CSMD3: variants seen among roughly 807,000 people sequenced by gnomAD.
The protein encoded by CSMD3 is CUB and sushi domain-containing protein 3.
In CSMD3, 177 loss-of-function variants were observed where a neutral mutation model predicts 435.2. That is an observed-to-expected ratio of 0.41 (90% CI 0.36 to 0.46). The LOEUF is 0.46. Among genes scored for constraint, CSMD3 ranks in the 20% least tolerant of loss-of-function variants. The pLI is 0.34. For synonymous variants in CSMD3, 1,656 were observed against 1,520.5 expected (o/e 1.09, Z -2.07); for missense variants, 4,265 against 4,504.6 (o/e 0.95, Z 1.52).
intron 12 of CSMD3, among the ~76,000 whole-genome samples, chr8:112,803,856 G>A (rs1008305596): frequency 2.6e-5 from 4 of 152,108 alleles, no homozygotes; most frequent in African/African-American, 9.7e-5. Flanking sequence ...ACAGTCCCGG[G>A]CATGGAGATT....
chr8:112,898,741 T>A (rs952926969), intron 10 of CSMD3, among the ~76,000 whole-genome samples: 5 of 151,102 alleles, frequency 3.3e-5, no homozygotes, highest in Non-Finnish European at 5.9e-5. Context: ...TACAGAAAAA[T>A]TTTATTTTTA....
chr8:112,821,249 A>T (rs1312261506), intron 12 of CSMD3, among the ~76,000 whole-genome samples: 1 of 152,180 alleles, frequency 6.6e-6, no homozygotes, highest in African/African-American at 2.4e-5. Flanking sequence ...CAATAGTTGA[A>T]CTAATTTACA....
chr8:112,283,579 C>A lies in CSMD3; in HGVS notation c.9332-2229G>T, dbSNP rs142667177. On this transcript the variant is annotated intron_variant, in intron 58 of 70. Coordinates refer to ENST00000297405, the MANE Select transcript of CSMD3 (RefSeq NM_198123.2). ...TATACAACAGTGAAATATTAATTTACTCTTTTTTATTTCTATTTTTCTTAC... is the reference window on the plus strand; with the variant it reads ...TATACAACAGTGAAATATTAATTTAATCTTTTTTATTTCTATTTTTCTTAC... 1.5e-3 allele frequency among the ~76,000 whole-genome samples: 227 copies of A among 151,472 alleles called. 2 individuals carry two copies. The highest frequency in any genetic ancestry group is 5.1e-3 in the African/African-American group (210 of 41,488).
chr8:113,278,189 C>T (rs2093586050), intron 3 of CSMD3, among the ~76,000 whole-genome samples: 2 of 151,762 alleles, frequency 1.3e-5, no homozygotes, highest in Non-Finnish European at 2.9e-5. Flanking sequence ...TAGATGTCAA[C>T]TCTTGTCTCT....
At position 112,390,730 on chromosome 8, in the gene CSMD3, A is replaced by C. The variant is rs1385160178; in HGVS notation, c.5868T>G (p.Pro1956=). Residue 1956 remains proline (P), a synonymous_variant, in exon 36 of 71, where the codon CCT becomes CCG. Coordinates refer to ENST00000297405, the MANE Select transcript of CSMD3 (RefSeq NM_198123.2). ...AATTCAGATTGTTGTCATAAGGCTCAGGGTATCCAGGTGACAAAATAGTCC... is the reference window on the plus strand; with the variant it reads ...AATTCAGATTGTTGTCATAAGGCTCCGGGTATCCAGGTGACAAAATAGTCC... ...RKGTILSPGY[P]EPYDNNLNCV... is the part of the protein sequence containing the mutation. 4 of 1,612,346 alleles carry C rather than the reference A, an allele frequency of 2.5e-6. No individual in the cohort carries two copies. Among genetic ancestry groups the C allele is most frequent in the Non-Finnish European group, 3.4e-6 (4 of 1,178,468 alleles).
At chr8:112,525,687 C>A (rs2131038403) in intron 27 of CSMD3, among the ~76,000 whole-genome samples, 1 of 147,468 alleles carries the variant, frequency 6.8e-6, no homozygotes, top group South Asian at 2.1e-4. Flanking sequence ...CGCCACTGCA[C>A]TCCAGCCTGA....
intron 23 of CSMD3, among the ~76,000 whole-genome samples, chr8:112,576,507 A>G (rs1254519619): frequency 6.6e-6 from 1 of 151,922 alleles, no homozygotes; most frequent in African/African-American, 2.4e-5. Flanking sequence ...AGCACACAGC[A>G]TACATTTTTT....
chr8:113,414,380 G>A (rs1349140271), intron 1 of CSMD3, among the ~76,000 whole-genome samples: 1 of 152,056 alleles, frequency 6.6e-6, no homozygotes, highest in Non-Finnish European at 1.5e-5. Context: ...CTTCTCAAGT[G>A]TTCACATCAC....
At chr8:112,894,272 T>C (rs773878813) in intron 10 of CSMD3, among the ~76,000 whole-genome samples, 4 of 151,458 alleles carry the variant, frequency 2.6e-5, no homozygotes, top group Non-Finnish European at 5.9e-5. Context: ...AAATGGTGCA[T>C]TACAAAGTGG....
chr8:112,715,330 T>C (rs2076700871), intron 13 of CSMD3, among the ~76,000 whole-genome samples: 2 of 152,116 alleles, frequency 1.3e-5, no homozygotes, highest in African/African-American at 4.8e-5. Context: ...CTAAAAGATA[T>C]TGATAAATTC....
chr8:112,261,403 T>C (rs1816385787), intron 61 of CSMD3, among the ~76,000 whole-genome samples: 1 of 152,092 alleles, frequency 6.6e-6, no homozygotes, highest in African/African-American at 2.4e-5. Context: ...CAAATCTTTG[T>C]AGGCATCACC....
At chr8:112,604,811 T>G (rs1160170966) in intron 22 of CSMD3, among the ~76,000 whole-genome samples, 2 of 152,124 alleles carry the variant, frequency 1.3e-5, no homozygotes, top group Non-Finnish European at 2.9e-5. Context: ...AAAGAGCTTT[T>G]GCACAGCAAA....
chr8:113,132,592 T>C (rs2131689368), intron 4 of CSMD3, among the ~76,000 whole-genome samples: 1 of 152,300 alleles, frequency 6.6e-6, no homozygotes, highest in African/African-American at 2.4e-5. Context: ...CATGCTTCTT[T>C]TTAAGCCTGT....
At chr8:113,316,045 A>G (rs2093907498) in intron 1 of CSMD3, among the ~76,000 whole-genome samples, 1 of 152,126 alleles carries the variant, frequency 6.6e-6, no homozygotes, top group African/African-American at 2.4e-5. Context: ...ATTCTGTAGC[A>G]TATTGTGTAA....
chr8:112,545,482 C>CAAAAAAAAAAAAAAA (rs71566032), intron 27 of CSMD3, among the ~76,000 whole-genome samples: 1 of 26,886 alleles, frequency 3.7e-5, no homozygotes, highest in African/African-American at 1.5e-4. Flanking sequence ...GACTCCATCT[C>CAAAAAAAAAAAAAAA]AAAAAAAAAA....
At position 112,246,565 on chromosome 8, in the gene CSMD3, G is replaced by A. The variant is rs529484548; in HGVS notation, c.10222+455C>T. ...AACATATAAAGGAAATTCTAAAATTGTTCTCAAATTTTTGGCCAAGTGCCC... is the reference window on the plus strand; with the variant it reads ...AACATATAAAGGAAATTCTAAAATTATTCTCAAATTTTTGGCCAAGTGCCC... On this transcript the variant is annotated intron_variant, in intron 64 of 70. Coordinates refer to ENST00000297405, the MANE Select transcript of CSMD3 (RefSeq NM_198123.2). Among the ~76,000 whole-genome samples, 9 of 152,222 alleles carry A rather than the reference G, an allele frequency of 5.9e-5. No individual in the cohort carries two copies. In the South Asian group the frequency reaches 8.3e-4, roughly 14 times the overall value.
intron 3 of CSMD3, among the ~76,000 whole-genome samples, chr8:113,252,710 C>A (rs188006020): frequency 1.7e-3 from 255 of 152,136 alleles, no homozygotes; most frequent in Non-Finnish European, 2.4e-3. Context: ...TTTAAAACTC[C>A]ATCTTTTGCT....
At chr8:113,096,617 T>G (rs1026784324) in intron 5 of CSMD3, among the ~76,000 whole-genome samples, 1 of 152,060 alleles carries the variant, frequency 6.6e-6, no homozygotes, top group Non-Finnish European at 1.5e-5. Flanking sequence ...CTCAAGTGAA[T>G]TCACATTTCA....
chr8:113,050,525 A>T (rs2088041120), intron 5 of CSMD3, among the ~76,000 whole-genome samples: 1 of 152,130 alleles, frequency 6.6e-6, no homozygotes, highest in Non-Finnish European at 1.5e-5. Context: ...GGCATTAAGG[A>T]ATTTGCCAAC....
Sources: allele counts gnomAD v4.1 joint callset (sites outside exome capture counted in the v4.1 genomes callset), GRCh38; gene constraint gnomAD v4.1.1; transcripts MANE v1.5; gene names NCBI Gene and HGNC (gene_info 2026-07-23, HGNC 2026-07-21).